Variants in CDK8 observed in about 807,000 individuals in gnomAD.
The protein encoded by CDK8 is cyclin-dependent kinase 8.
In CDK8, 29 loss-of-function variants were observed where a neutral mutation model predicts 71.5. The ratio of observed to expected loss-of-function variants is 0.41; its 90% CI spans 0.30 to 0.55. CDK8 has a LOEUF of 0.55. CDK8 is among the 20% of genes least tolerant of loss of function. CDK8 has a pLI of 0.37. For synonymous variants in CDK8, 161 were observed against 192.1 expected, an observed-to-expected ratio of 0.84 and a Z score of 1.34; for missense variants, 288 against 572.6, an observed-to-expected ratio of 0.50 and a Z score of 5.07.
intron 1 of CDK8, among the ~76,000 whole-genome samples, chr13:26,323,506 G>A (rs1284226110): frequency 6.6e-6 from 1 of 152,064 alleles, no homozygotes. Flanking sequence ...CACATTGTGG[G>A]TTAGTGCTTC....
chr13:26,264,202 A>C (rs1268404238), intron 1 of CDK8, among the ~76,000 whole-genome samples: 3 of 152,182 alleles, frequency 2.0e-5, no homozygotes, highest in Admixed American at 6.5e-5. Flanking sequence ...TGATTTTTTA[A>C]AGTGTAAAAT....
rs533399414 is a variant in CDK8, at chr13:26,304,264, A to AC, written c.129-33303_129-33302insC. Among the ~76,000 whole-genome samples, 433 of 127,314 alleles carry AC rather than the reference A, an allele frequency of 3.4e-3. 2 individuals are homozygous for AC. Among genetic ancestry groups the AC allele is most frequent in the Non-Finnish European group, 5.1e-3 (335 of 65,880 alleles). The allele number at this position is 127,314 out of a possible 152,430, so 83.5% of individuals were successfully genotyped here. A position where few individuals can be genotyped will look rare whatever the true frequency, so the allele number is the denominator to read the frequency against. ...GAGCAACAGAGCCAGACTCTGTCTCAAAAAAAAAAAGAAAAAAAAGAAATC... is the reference window on the plus strand; with the variant it reads ...GAGCAACAGAGCCAGACTCTGTCTCACAAAAAAAAAAGAAAAAAAAGAAATC... On this transcript the variant is annotated intron_variant, in intron 1 of 12. Coordinates refer to ENST00000381527, the MANE Select transcript of CDK8 (RefSeq NM_001260.3).
rs5802371 is a variant in CDK8, at chr13:26,289,051, GTTTTTT to G, written c.128+34301_128+34306del. 7.1e-5 allele frequency among the ~76,000 whole-genome samples: 4 copies of G among 56,232 alleles called. No homozygotes were observed. In the Admixed American group the frequency reaches 8.2e-4, roughly 12 times the overall value. The allele number at this position is 56,232 out of a possible 152,430, so 36.9% of individuals were successfully genotyped here. A position where few individuals can be genotyped will look rare whatever the true frequency, so the allele number is the denominator to read the frequency against. On this transcript the variant is annotated intron_variant, in intron 1 of 12. Transcript: ENST00000381527. Reference sequence around the variant, plus strand: ...GCTGCATCCAGACTAAGCTTCTGTAGTTTTTTTTTTTTTTTTTTTTTTTTGAGACAG... The same window carrying G: ...GCTGCATCCAGACTAAGCTTCTGTAGTTTTTTTTTTTTTTTTTTGAGACAG...
At chr13:26,382,457 C>T (rs9512195) in intron 4 of CDK8, among the ~76,000 whole-genome samples, 10,269 of 152,108 alleles carry the variant, frequency 0.068, 392 homozygotes, top group African/African-American at 0.091. Context: ...TCATCTTTCT[C>T]GATTCATTTT....
At chr13:26,388,652 T>C (rs1481317681) in intron 6 of CDK8, among the ~76,000 whole-genome samples, 1 of 152,240 alleles carries the variant, frequency 6.6e-6, no homozygotes, top group Non-Finnish European at 1.5e-5. Flanking sequence ...TATTATCTTG[T>C]TATTTTTCCT....
intron 6 of CDK8, among the ~76,000 whole-genome samples, chr13:26,388,306 G>A (rs1875578104): frequency 6.6e-6 from 1 of 152,062 alleles, no homozygotes; most frequent in African/African-American, 2.4e-5. Flanking sequence ...ATTTAGTTAA[G>A]TCAGTTAAAA....
At chr13:26,356,320 C>T (rs1430180095) in intron 4 of CDK8, among the ~76,000 whole-genome samples, 1 of 152,206 alleles carries the variant, frequency 6.6e-6, no homozygotes, top group Non-Finnish European at 1.5e-5. Flanking sequence ...TCTTACTCCT[C>T]CATCCCTCTT....
intron 1 of CDK8, among the ~76,000 whole-genome samples, chr13:26,312,649 A>T (rs530723920): frequency 4.3e-4 from 66 of 152,162 alleles, no homozygotes; most frequent in African/African-American, 1.6e-3. Flanking sequence ...TGTAACACTC[A>T]CCTCTAGGGT....
chr13:26,358,239 C>T (rs1053426444), intron 4 of CDK8, among the ~76,000 whole-genome samples: 1 of 152,018 alleles, frequency 6.6e-6, no homozygotes, highest in Non-Finnish European at 1.5e-5. Context: ...GCAGAGCTTG[C>T]AGTGAGCTGG....
At chr13:26,311,264 C>A (rs1332186233) in intron 1 of CDK8, among the ~76,000 whole-genome samples, 1 of 152,250 alleles carries the variant, frequency 6.6e-6, no homozygotes, top group African/African-American at 2.4e-5. Flanking sequence ...TAAAAGATCT[C>A]ACATTTTCTT....
intron 1 of CDK8, among the ~76,000 whole-genome samples, 183 bp from the exon 2 acceptor site, chr13:26,337,384 C>G (rs1444956015): frequency 2.6e-5 from 4 of 152,052 alleles, no homozygotes; most frequent in Admixed American, 2.6e-4. Context: ...GCTAACTTCC[C>G]TCATCAAATA....
chr13:26,341,379 C>G (rs1873232197), intron 2 of CDK8, among the ~76,000 whole-genome samples: 1 of 152,152 alleles, frequency 6.6e-6, no homozygotes, highest in Non-Finnish European at 1.5e-5. Context: ...CCCACTTTGG[C>G]CTCCCAAAGT....
At chr13:26,277,491 GTGT>G (rs1346832522) in intron 1 of CDK8, among the ~76,000 whole-genome samples, 3 of 152,148 alleles carry the variant, frequency 2.0e-5, no homozygotes, top group Non-Finnish European at 4.4e-5. Context: ...CTTTTGGCAA[GTGT>G]TGTTACATTA....
intron 4 of CDK8, 78 bp downstream of exon 4, chr13:26,353,958 G>A (rs1348730379): frequency 8.0e-7 from 1 of 1,247,722 alleles, no homozygotes; most frequent in Non-Finnish European, 1.2e-6. Flanking sequence ...GTAGATACCA[G>A]TGCTATATGT....
chr13:26,269,831 A>T (rs1380331122), intron 1 of CDK8, among the ~76,000 whole-genome samples: 2 of 152,150 alleles, frequency 1.3e-5, no homozygotes, highest in Non-Finnish European at 2.9e-5. Flanking sequence ...AAGTTTTGGA[A>T]TAGAAGATAG....
chr13:26,326,052 A>G (rs1360667840), intron 1 of CDK8, among the ~76,000 whole-genome samples: 1 of 152,206 alleles, frequency 6.6e-6, no homozygotes, highest in Non-Finnish European at 1.5e-5. Context: ...GATTATTAAC[A>G]GAGTTTGTAT....
chr13:26,279,979 GTGTGTGTGTA>G (rs1792805999), intron 1 of CDK8, among the ~76,000 whole-genome samples: 1 of 152,074 alleles, frequency 6.6e-6, no homozygotes, highest in Non-Finnish European at 1.5e-5. Flanking sequence ...GTGTGTGTGT[GTGTGTGTGTA>G]TGTGTGTGTA....
chr13:26,334,941 C>T (rs60425790), intron 1 of CDK8, among the ~76,000 whole-genome samples: 59,703 of 151,784 alleles, frequency 0.39, 11,871 homozygotes, highest in East Asian at 0.54. Context: ...TTTATCTGTC[C>T]TTTCTTCCTA....
intron 8 of CDK8, among the ~76,000 whole-genome samples, chr13:26,396,597 T>C (rs1876006413): frequency 1.3e-5 from 2 of 152,126 alleles, no homozygotes. Context: ...TTCATGTCTT[T>C]CCATATTGAC....
Sources: gnomAD v4.1 joint callset for allele counts (sites outside exome capture counted in the v4.1 genomes callset) on GRCh38, gnomAD v4.1.1 for gene constraint, MANE v1.5 for transcripts, NCBI Gene and HGNC (gene_info 2026-07-23, HGNC 2026-07-21) for gene names.